Variants in DCC observed in about 807,000 individuals in gnomAD.
DCC encodes DCC netrin 1 receptor.
In DCC, 58 loss-of-function variants were observed where a neutral mutation model predicts 172.5. That is an observed-to-expected ratio of 0.34 (90% confidence interval 0.27 to 0.42). The LOEUF is 0.42. Among genes scored for constraint, DCC ranks in the 10% least tolerant of loss-of-function variants. The pLI is 1.00. For synonymous variants in DCC, 709 were observed against 644.5 expected (o/e 1.10, Z -1.52); for missense variants, 1,740 against 1,791.0 (o/e 0.97, Z 0.51).
At chr18:52,735,299 T>C (rs1241430046) in intron 1 of DCC, among the ~76,000 whole-genome samples, 3 of 152,158 alleles carry the variant, frequency 2.0e-5, no homozygotes, top group Admixed American at 2.0e-4. Context: ...ATCAGTAGTA[T>C]GATAAGCCAT....
At chr18:53,211,606 C>G (rs1326730461) in intron 11 of DCC, among the ~76,000 whole-genome samples, 1 of 152,092 alleles carries the variant, frequency 6.6e-6, no homozygotes, top group Non-Finnish European at 1.5e-5. Context: ...CGCCTGTAGT[C>G]CCAGCTACTC....
At chr18:53,427,047 G>T (rs994994775) in intron 21 of DCC, among the ~76,000 whole-genome samples, 2 of 152,090 alleles carry the variant, frequency 1.3e-5, no homozygotes, top group Admixed American at 6.6e-5. Flanking sequence ...GGATAAGCTT[G>T]TGAACCACGC....
chr18:52,631,311 TA>T (rs1452723834), intron 1 of DCC, among the ~76,000 whole-genome samples: 1 of 151,570 alleles, frequency 6.6e-6, no homozygotes, highest in Non-Finnish European at 1.5e-5. Flanking sequence ...GAAAAAAAAA[TA>T]AAAAACAGAA....
chr18:53,126,833 G>A (rs1214454595), intron 7 of DCC, among the ~76,000 whole-genome samples: 1 of 152,054 alleles, frequency 6.6e-6, no homozygotes, highest in Non-Finnish European at 1.5e-5. Flanking sequence ...AAATTATTGG[G>A]AAGAAAAACA....
intron 2 of DCC, among the ~76,000 whole-genome samples, chr18:52,846,608 A>C (rs1285117740): frequency 2.3e-5 from 3 of 130,588 alleles, no homozygotes; most frequent in East Asian, 2.2e-4. Context: ...TGCCACTCCA[A>C]ACACACACAC....
At chr18:53,104,834 G>T (rs2043221914) in intron 7 of DCC, among the ~76,000 whole-genome samples, 1 of 152,022 alleles carries the variant, frequency 6.6e-6, no homozygotes. Context: ...GAATGCTCAA[G>T]AGGTAGAAGT....
At chr18:53,253,683 ACAT>A (rs1191824326) in intron 12 of DCC, among the ~76,000 whole-genome samples, 3 of 152,102 alleles carry the variant, frequency 2.0e-5, no homozygotes, top group Admixed American at 2.0e-4. Flanking sequence ...ATGGAAAACA[ACAT>A]GAGCTTTCTC....
intron 26 of DCC, 114 bp downstream of exon 26, chr18:53,487,072 G>T: frequency 2.2e-6 from 3 of 1,356,132 alleles, no homozygotes; most frequent in Non-Finnish European, 3.1e-6. Context: ...CCCTATGACT[G>T]TGGTACTAGA....
At chr18:53,449,782 ATGT>A (rs1436318840) in intron 22 of DCC, among the ~76,000 whole-genome samples, 1 of 152,146 alleles carries the variant, frequency 6.6e-6, no homozygotes, top group Non-Finnish European at 1.5e-5. Context: ...CCCTTTGAAA[ATGT>A]ACAATTCAGC....
intron 12 of DCC, among the ~76,000 whole-genome samples, chr18:53,252,551 T>G (rs2056451371): frequency 6.6e-6 from 1 of 151,946 alleles, no homozygotes; most frequent in Non-Finnish European, 1.5e-5. Flanking sequence ...TAAAGAAGAT[T>G]CAAACATTCC....
chr18:53,090,732 A>AAAAAAAAAAAAAAAT (rs1568298492), intron 7 of DCC, among the ~76,000 whole-genome samples: 27 of 129,142 alleles, frequency 2.1e-4, no homozygotes, highest in Non-Finnish European at 3.5e-4. Flanking sequence ...AAAAAAAAAA[A>AAAAAAAAAAAAAAAT]AAGAATGTAT....
intron 1 of DCC, among the ~76,000 whole-genome samples, chr18:52,706,580 G>C (rs1024838064): frequency 6.6e-6 from 1 of 152,138 alleles, no homozygotes; most frequent in Non-Finnish European, 1.5e-5. Context: ...CCTCAAAGCA[G>C]AGCATTTGTT....
chr18:52,907,129 T>G (rs1351721984), intron 3 of DCC, among the ~76,000 whole-genome samples: 1 of 150,796 alleles, frequency 6.6e-6, no homozygotes, highest in Non-Finnish European at 1.5e-5. Flanking sequence ...TTCCATTACA[T>G]ACACAAAATT....
chr18:53,127,134 T>C (rs1568320092), intron 7 of DCC, among the ~76,000 whole-genome samples: 3 of 106,598 alleles, frequency 2.8e-5, no homozygotes, highest in Non-Finnish European at 5.9e-5. Context: ...CTTTTGATCG[T>C]TGTTTTTTTT....
At chr18:52,666,826 C>A (rs967405524) in intron 1 of DCC, among the ~76,000 whole-genome samples, 1 of 152,158 alleles carries the variant, frequency 6.6e-6, no homozygotes, top group Non-Finnish European at 1.5e-5. Context: ...ATTACCTCTG[C>A]TTATAATTTG....
chr18:52,402,569 A>T (rs1021896386), intron 1 of DCC, among the ~76,000 whole-genome samples: 5 of 151,940 alleles, frequency 3.3e-5, no homozygotes, highest in African/African-American at 1.2e-4. Flanking sequence ...AAATCTCCCC[A>T]CTTAAAGTTT....
chr18:52,667,195 C>A (rs1216063019), intron 1 of DCC, among the ~76,000 whole-genome samples: 1 of 152,150 alleles, frequency 6.6e-6, no homozygotes, highest in East Asian at 1.9e-4. Context: ...TTTGTCGCTT[C>A]AGCCTAGCAG....
intron 25 of DCC, among the ~76,000 whole-genome samples, chr18:53,471,036 A>C (rs1251059517): frequency 6.6e-6 from 1 of 152,188 alleles, no homozygotes; most frequent in Non-Finnish European, 1.5e-5. Flanking sequence ...CCCAAATTTG[A>C]CCACTCTTTT....
intron 21 of DCC, chr18:53,416,385 G>A: frequency 1.5e-6 from 1 of 678,534 alleles, no homozygotes; most frequent in East Asian, 2.8e-5. Flanking sequence ...CATTCTGAAG[G>A]ACCAATTAAA....
Sources: allele counts gnomAD v4.1 joint callset (sites outside exome capture counted in the v4.1 genomes callset), GRCh38; gene constraint gnomAD v4.1.1; transcripts MANE v1.5; gene names NCBI Gene and HGNC (gene_info 2026-07-23, HGNC 2026-07-21).